Variants in TASOR observed in about 807,000 individuals in gnomAD.
TASOR encodes the protein protein TASOR.
A neutral mutation model predicts 178.6 loss-of-function variants in TASOR; 53 were observed. That is an observed-to-expected ratio of 0.30 (90% CI 0.24 to 0.37). The LOEUF (loss-of-function observed/expected upper bound fraction) is 0.37, where lower values mean the gene tolerates loss of function less well. Ranked by LOEUF, TASOR falls within the 10% of genes least tolerant of loss-of-function variation. The probability of loss-of-function intolerance (pLI) is 1.00; values close to 1 mark genes in which losing one functional copy is unlikely to be tolerated. For synonymous variants in TASOR, 713 were observed against 696.2 expected, an observed-to-expected ratio of 1.02 and a Z score of -0.38; for missense variants, 1,815 against 1,971.4, an observed-to-expected ratio of 0.92 and a Z score of 1.50.
intron 17 of TASOR, 68 bp downstream of exon 17, chr3:56,638,638 A>G: frequency 1.3e-6 from 2 of 1,517,300 alleles, no homozygotes; most frequent in Non-Finnish European, 1.8e-6. Flanking sequence ...TTGATGGAGT[A>G]TCAGAAATGC....
In TASOR at chr3:56,645,759, T is replaced by C. The variant is rs375174029; in HGVS notation, c.2215+763A>G. On this transcript the variant is annotated intron_variant, in intron 14 of 23. Transcript: ENST00000683822. ...CTTGGGGTAGAAAAGAGTATGTGTATGCATATTTTATTTTCAAATTCAGAA... is the reference window on the plus strand; with the variant it reads ...CTTGGGGTAGAAAAGAGTATGTGTACGCATATTTTATTTTCAAATTCAGAA... Among the ~76,000 whole-genome samples, 14 of 152,350 alleles carry C rather than the reference T, an allele frequency of 9.2e-5. No individual in the cohort carries two copies. The South Asian group carries it at 2.3e-3, about 25-fold the overall frequency.
At chr3:56,647,999 G>C (rs368464374) in intron 13 of TASOR, among the ~76,000 whole-genome samples, 1 of 151,192 alleles carries the variant, frequency 6.6e-6, no homozygotes, top group Non-Finnish European at 1.5e-5. Flanking sequence ...AGGAGTTCAA[G>C]AACAACCTAG....
At chr3:56,679,481 T>G (rs1333701431) in intron 1 of TASOR, among the ~76,000 whole-genome samples, 2 of 152,178 alleles carry the variant, frequency 1.3e-5, no homozygotes, top group Admixed American at 1.3e-4. Context: ...ACTAATGAAA[T>G]ACCATGGAAA....
chr3:56,663,509 T>C (rs1464512771), intron 8 of TASOR, 32 bp downstream of exon 8: 3 of 1,033,370 alleles, frequency 2.9e-6, no homozygotes, highest in South Asian at 3.3e-5. Context: ...ATTCTTTCCA[T>C]TTATAAAACT....
At chr3:56,673,303 A>C (rs1370699991) in intron 2 of TASOR, among the ~76,000 whole-genome samples, 1 of 151,956 alleles carries the variant, frequency 6.6e-6, no homozygotes, top group East Asian at 1.9e-4. Flanking sequence ...GCAGTGGCAC[A>C]TGACTGTAAT....
chr3:56,673,366 A>G (rs544902263), intron 2 of TASOR, among the ~76,000 whole-genome samples: 1 of 139,396 alleles, frequency 7.2e-6, no homozygotes, highest in South Asian at 2.3e-4. Context: ...AGGGAGGCAG[A>G]GGCTGTAGTG....
rs778870359 is a variant in TASOR, at chr3:56,623,397, C to T, written c.4653G>A (p.Ser1551=). 33 of 1,613,640 alleles carry T rather than the reference C, an allele frequency of 2.0e-5. No homozygotes were observed. Among genetic ancestry groups the T allele is most frequent in the East Asian group, 1.6e-4 (7 of 44,852 alleles). ...ATAAACTGTTTTGCACATCAGGAGA[C>T]GATTGCAACTCAATTTGAGTATTCT... ...QKKNTQIELQ[S]SPDVQNSLLE... Residue 1551 remains serine, a synonymous_variant, in exon 24 of 24, where the codon TCG becomes TCA. Coordinates refer to ENST00000683822, the MANE Select transcript of TASOR (RefSeq NM_001365635.2).
intron 11 of TASOR, among the ~76,000 whole-genome samples, chr3:56,656,655 T>C (rs897751208): frequency 6.6e-6 from 1 of 150,382 alleles, no homozygotes; most frequent in Non-Finnish European, 1.5e-5. Flanking sequence ...GTAAGACAGC[T>C]GGGGATAAAT....
intron 20 of TASOR, 29 bp from the exon 21 acceptor site, chr3:56,627,174 A>G (rs761654445): frequency 8.6e-6 from 11 of 1,282,472 alleles, no homozygotes; most frequent in African/African-American, 4.5e-5. Context: ...TTTGTTTTTA[A>G]TTCAATAAAT....
intron 9 of TASOR, among the ~76,000 whole-genome samples, chr3:56,661,863 G>A (rs1010927565): frequency 6.6e-5 from 10 of 152,084 alleles, no homozygotes; most frequent in Non-Finnish European, 1.3e-4. Context: ...GGTAGCTCAC[G>A]CCTGTAATCC....
Position 56,624,879 on chromosome 3 carries a change from T to C in TASOR, c.4267A>G (p.Ile1423Val). Residue 1423 changes from isoleucine (I) to valine (V), a missense_variant, in exon 22 of 24, where the codon ATC becomes GTC. Physicochemically the swap from Ile to Val is conservative, Grantham distance 29. Coordinates refer to ENST00000683822, the MANE Select transcript of TASOR (RefSeq NM_001365635.2). ...TGTATGTTCTGAGCCTGAAGTCTGA[T>C]AAGGCAATCCAATTCTGGAGCATTT... Reference protein sequence around the residue: ...TRNAPELDCLIRLQAQNIQQR... With the variant: ...TRNAPELDCLVRLQAQNIQQR... 6.2e-7 allele frequency: 1 copy of C among 1,614,216 alleles called. No homozygotes were observed. The highest frequency in any genetic ancestry group is 8.5e-7 in the Non-Finnish European group (1 of 1,180,026).
rs72879362 is a variant in TASOR at position 56,645,199 on chromosome 3, G to C, written c.2215+1323C>G. On this transcript the variant is annotated intron_variant, in intron 14 of 23. Transcript: ENST00000683822. ...TCAGGCACGAGAATCTTTTGAACCA[G>C]GTAGGCAGAGGTTGCAGTGAGCCAA... 3.7e-3 allele frequency among the ~76,000 whole-genome samples: 569 copies of C among 152,320 alleles called. 4 individuals are homozygous for C. Among genetic ancestry groups the C allele is most frequent in the African/African-American group, 0.013 (547 of 41,564 alleles).
chr3:56,628,929 AT>A (rs58944810), intron 18 of TASOR: 30,468 of 121,534 alleles, frequency 0.25, 2,938 homozygotes, highest in East Asian at 0.37. Context: ...TACCAGGCTA[AT>A]TTTTTTTTTT....
chr3:56,628,785 CAG>C, intron 18 of TASOR, 171 bp from the exon 19 acceptor site: 1 of 473,410 alleles, frequency 2.1e-6, no homozygotes, highest in East Asian at 3.9e-5. Flanking sequence ...TTCTTTGAGA[CAG>C]GGTCTCACCA....
intron 17 of TASOR, among the ~76,000 whole-genome samples, chr3:56,635,443 G>T (rs2076997000): frequency 6.6e-6 from 1 of 152,094 alleles, no homozygotes. Context: ...GTGTCTGGAA[G>T]GATACACGAG....
chr3:56,658,907 C>CA (rs990265576), intron 11 of TASOR, among the ~76,000 whole-genome samples: 20 of 131,090 alleles, frequency 1.5e-4, no homozygotes, highest in East Asian at 5.0e-4. Context: ...GAGTCTGTCT[C>CA]AAAAAAAAAA....
chr3:56,638,089 G>A (rs1209768794), intron 17 of TASOR, among the ~76,000 whole-genome samples: 1 of 152,136 alleles, frequency 6.6e-6, no homozygotes. Flanking sequence ...AGAAACCCAG[G>A]TTTGGGGGCT....
In TASOR at chr3:56,641,755, G is replaced by A. The variant is rs776875792; in HGVS notation, c.2216-3C>T. ...TGAGCCAATAGGCTGTGGAGACTCT[G>A]AGAAAAAGGAAGTCATTGGTTGAAG... On this transcript the variant is annotated splice_polypyrimidine_tract_variant and splice_region_variant and intron_variant, in intron 14 of 23. Coordinates refer to ENST00000683822, the MANE Select transcript of TASOR (RefSeq NM_001365635.2). 2 of 1,582,390 alleles carry A rather than the reference G, an allele frequency of 1.3e-6. No homozygotes were observed. Among genetic ancestry groups the A allele is most frequent in the Non-Finnish European group, 1.7e-6 (2 of 1,162,366 alleles).
intron 3 of TASOR, 32 bp from the exon 4 acceptor site, chr3:56,670,177 G>A (rs1200591114): frequency 1.6e-6 from 2 of 1,289,504 alleles, no homozygotes; most frequent in Non-Finnish European, 2.1e-6. Flanking sequence ...TCATCTTGCA[G>A]TCATAACAAC....
Sources: gnomAD v4.1 joint callset for allele counts (sites outside exome capture counted in the v4.1 genomes callset) on GRCh38, gnomAD v4.1.1 for gene constraint, MANE v1.5 for transcripts, NCBI Gene and HGNC (gene_info 2026-07-23, HGNC 2026-07-21) for gene names.